L2HGDH: variants seen among roughly 807,000 people sequenced by gnomAD.
L2HGDH encodes L-2-hydroxyglutarate dehydrogenase.
In L2HGDH, 34 loss-of-function variants were observed where a neutral mutation model predicts 51.5. The ratio of observed to expected loss-of-function variants is 0.66; its 90% confidence interval spans 0.50 to 0.88. The LOEUF (loss-of-function observed/expected upper bound fraction) is 0.88. Ranked by LOEUF, L2HGDH falls within the 40% of genes least tolerant of loss-of-function variation. The pLI, the probability that L2HGDH is intolerant of heterozygous loss-of-function variation, is 0.00. For synonymous variants in L2HGDH, 198 were observed against 197.9 expected, an observed-to-expected ratio of 1.00 and a Z score of -0.01; for missense variants, 558 against 571.9, an observed-to-expected ratio of 0.98 and a Z score of 0.25.
intron 9 of L2HGDH, among the ~76,000 whole-genome samples, chr14:50,249,034 G>A (rs914998990): frequency 6.6e-6 from 1 of 152,162 alleles, no homozygotes; most frequent in Non-Finnish European, 1.5e-5. Context: ...CCTTTACACT[G>A]AACTCAGTGC....
chr14:50,282,918 T>C (rs1181383023), intron 5 of L2HGDH, among the ~76,000 whole-genome samples: 1 of 151,966 alleles, frequency 6.6e-6, no homozygotes, highest in Non-Finnish European at 1.5e-5. Flanking sequence ...GGCTCACACC[T>C]GTAATCCTAG....
At chr14:50,249,668 C>CA (rs1433285666) in intron 9 of L2HGDH, among the ~76,000 whole-genome samples, 18 of 152,116 alleles carry the variant, frequency 1.2e-4, no homozygotes, top group African/African-American at 4.3e-4. Flanking sequence ...AGGAGTGCGT[C>CA]ATGGGCCTTG....
chr14:50,310,879 T>A (rs888939432), intron 1 of L2HGDH, among the ~76,000 whole-genome samples: 2 of 150,942 alleles, frequency 1.3e-5, no homozygotes, highest in Admixed American at 6.6e-5. Context: ...GCAGCCAGAG[T>A]CAACTTTTAG....
rs1332134322 is a variant in L2HGDH, at chr14:50,246,321, C to G, written c.*737G>C. The G allele has an allele frequency of 6.6e-6, 1 of 151,764 alleles. No homozygotes were observed. Among genetic ancestry groups the G allele is most frequent in the Non-Finnish European group, 1.5e-5 (1 of 68,108 alleles). 9.4% of individuals were successfully genotyped at this position (151,764 alleles called of 1,614,324 possible). ...GTAGCCTTGATCTCCCGGGCTCAAGCGATCCTCCTGCCTCAGCCCCCAAGT... is the reference window on the plus strand; with the variant it reads ...GTAGCCTTGATCTCCCGGGCTCAAGGGATCCTCCTGCCTCAGCCCCCAAGT... On this transcript the variant is annotated 3_prime_UTR_variant, in exon 10 of 10. Transcript: ENST00000267436.
intron 8 of L2HGDH, among the ~76,000 whole-genome samples, chr14:50,266,325 T>C (rs1000423216): frequency 3.3e-5 from 5 of 152,142 alleles, no homozygotes; most frequent in African/African-American, 1.2e-4. Context: ...CCTAGATTTC[T>C]TTAGTCAGCC....
At chr14:50,263,621 T>C (rs1889165066) in intron 9 of L2HGDH, among the ~76,000 whole-genome samples, 1 of 152,098 alleles carries the variant, frequency 6.6e-6, no homozygotes, top group East Asian at 1.9e-4. Flanking sequence ...AAATGGAGGG[T>C]GAGAGTACCT....
At chr14:50,311,249 C>G in intron 1 of L2HGDH, 1 of 435,700 alleles carries the variant, frequency 2.3e-6, no homozygotes, top group South Asian at 1.6e-5. Flanking sequence ...TCCCGTGGCT[C>G]TTAGAATAAA....
At chr14:50,304,640 C>T (rs530046990) in intron 1 of L2HGDH, among the ~76,000 whole-genome samples, 68 of 152,284 alleles carry the variant, frequency 4.5e-4, no homozygotes, top group Non-Finnish European at 5.4e-4. Flanking sequence ...TTGAGACCAT[C>T]CTGACTAACA....
intron 3 of L2HGDH, among the ~76,000 whole-genome samples, chr14:50,295,936 A>C (rs1334747093): frequency 6.6e-6 from 1 of 151,122 alleles, no homozygotes; most frequent in Non-Finnish European, 1.5e-5. Context: ...ATGGGGTTTC[A>C]CCATGTTGGA....
intron 1 of L2HGDH, 102 bp downstream of exon 1, chr14:50,311,908 TC>T: frequency 6.8e-7 from 1 of 1,478,968 alleles, no homozygotes; most frequent in East Asian, 2.5e-5. Flanking sequence ...CAACCTGCTC[TC>T]ACCCCGGGAC....
intron 9 of L2HGDH, among the ~76,000 whole-genome samples, chr14:50,254,367 T>C (rs1039396219): frequency 1.2e-4 from 18 of 152,140 alleles, no homozygotes; most frequent in African/African-American, 4.3e-4. Flanking sequence ...GAATCAGATA[T>C]ACCACATAGA....
rs545343359 is a variant in L2HGDH at position 50,300,439 on chromosome 14, C to T, written c.408+1578G>A. On this transcript the variant is annotated intron_variant, in intron 3 of 9. Transcript: ENST00000267436. ...CCTCCCGAGTAGCTGGCATTACAGG[C>T]GTGTGCCACCACACCCGGCTAATTT... is the stretch of plus-strand genomic sequence containing the variant. 6.6e-5 allele frequency among the ~76,000 whole-genome samples: 10 copies of T among 151,912 alleles called. No homozygotes were observed. In the South Asian group the frequency reaches 1.7e-3, roughly 25 times the overall value.
intron 8 of L2HGDH, among the ~76,000 whole-genome samples, chr14:50,265,796 C>T (rs377527164): frequency 1.1e-4 from 17 of 152,280 alleles, no homozygotes; most frequent in Admixed American, 3.9e-4. Flanking sequence ...CACCTGTAAT[C>T]CCAGCTAATC....
chr14:50,294,261 A>C lies in L2HGDH; in HGVS notation c.409-15T>G. ...GCTACTATAAGCTTCAAAAAAAAAA[A>C]GGTAAGGAGCATGGATAGAGGTGAA... On this transcript the variant is annotated splice_polypyrimidine_tract_variant and intron_variant, in intron 3 of 9. Coordinates refer to ENST00000267436, the MANE Select transcript of L2HGDH (RefSeq NM_024884.3). The C allele has an allele frequency of 1.2e-6, 2 of 1,606,102 alleles. No individual in the cohort carries two copies. Among genetic ancestry groups the C allele is most frequent in the East Asian group, 2.2e-5 (1 of 44,776 alleles).
intron 3 of L2HGDH, 135 bp downstream of exon 3, chr14:50,301,882 A>T: frequency 1.2e-6 from 1 of 859,036 alleles, no homozygotes; most frequent in Non-Finnish European, 1.8e-6. Context: ...ATCTTTTTTT[A>T]GTTATTCCCT....
chr14:50,295,187 C>T (rs1335512077), intron 3 of L2HGDH, among the ~76,000 whole-genome samples: 1 of 152,224 alleles, frequency 6.6e-6, no homozygotes, highest in African/African-American at 2.4e-5. Context: ...GCCTTTTTCA[C>T]TTATGTCAGG....
intron 6 of L2HGDH, among the ~76,000 whole-genome samples, chr14:50,272,214 A>AC (rs1376587177): frequency 3.3e-5 from 5 of 152,330 alleles, no homozygotes; most frequent in African/African-American, 1.2e-4. Flanking sequence ...TTGAATGTGA[A>AC]CCCAAAATTA....
chr14:50,283,252 T>C (rs1018983352), intron 5 of L2HGDH, among the ~76,000 whole-genome samples: 2 of 152,124 alleles, frequency 1.3e-5, no homozygotes, highest in African/African-American at 4.8e-5. Flanking sequence ...AGATTCTGAC[T>C]GTAATCTACA....
chr14:50,293,189 T>G, intron 4 of L2HGDH: 2 of 701,764 alleles, frequency 2.8e-6, no homozygotes, highest in South Asian at 3.0e-5. Context: ...AGTCCAGACA[T>G]AGACCCGCCA....
Sources: gnomAD v4.1 joint callset for allele counts (sites outside exome capture counted in the v4.1 genomes callset) on GRCh38, gnomAD v4.1.1 for gene constraint, MANE v1.5 for transcripts, NCBI Gene and HGNC (gene_info 2026-07-23, HGNC 2026-07-21) for gene names.